The following ADCY10 variants were observed in gnomAD, a reference collection of about 807,000 sequenced individuals.
The protein encoded by ADCY10 is adenylate cyclase type 10.
Under a neutral mutation model 183.3 loss-of-function variants are expected in ADCY10, and 156 were observed. That is an observed-to-expected ratio of 0.85 (90% CI 0.75 to 0.97). The LOEUF (loss-of-function observed/expected upper bound fraction) is 0.97, where lower values mean the gene tolerates loss of function less well. Among genes scored for constraint, ADCY10 ranks in the 50% least tolerant of loss-of-function variants. The pLI is 0.00. For missense variants in ADCY10, 1,745 were observed against 1,934.3 expected (o/e 0.90, Z 1.84); for synonymous variants, 645 against 670.0 (o/e 0.96, Z 0.58).
chr1:167,894,656 G>C (rs1259470300), intron 7 of ADCY10, among the ~76,000 whole-genome samples: 1 of 152,044 alleles, frequency 6.6e-6, no homozygotes, highest in African/African-American at 2.4e-5. Context: ...GGCTGGTCCT[G>C]ATTTGTAGCC....
rs564947586 is a variant in ADCY10 at position 167,836,375 on chromosome 1, A to T, written c.3243T>A (p.Asn1081Lys). 112 of 1,614,140 alleles carry T rather than the reference A, an allele frequency of 6.9e-5. No homozygotes were observed. In the South Asian group the frequency reaches 1.2e-3, roughly 17 times the overall value. The part of the protein sequence containing the change: ...LAHHFLALGE[N>K]DKALYYFLEI... ...CTAAGAAGTAATATAAGGCTTTGTC[A>T]TTTTCTCCCAAAGCCAGAAAATGGT... The change falls in exon 23 of 33, where the codon AAT (asparagine) becomes AAA (lysine). Residue 1081 changes from asparagine (N) to lysine (K), a missense_variant. Physicochemically the swap from Asn to Lys is moderately conservative, Grantham distance 94. Transcript: ENST00000367851.
chr1:167,861,299 T>C (rs902606422), intron 14 of ADCY10, among the ~76,000 whole-genome samples: 2 of 152,230 alleles, frequency 1.3e-5, no homozygotes, highest in African/African-American at 4.8e-5. Flanking sequence ...ACTGCCACCC[T>C]ATACTACCAC....
chr1:167,904,254 G>A (rs1164004965), intron 2 of ADCY10, among the ~76,000 whole-genome samples: 1 of 151,866 alleles, frequency 6.6e-6, no homozygotes, highest in African/African-American at 2.4e-5. Flanking sequence ...TGCCAGGCTC[G>A]TTTTTGTATT....
rs911918308 is a variant in ADCY10, at chr1:167,819,614, G to A, written c.4287-1347C>T. 3.2e-4 allele frequency among the ~76,000 whole-genome samples: 49 copies of A among 151,902 alleles called. 1 individual carries two copies. Among genetic ancestry groups the A allele is most frequent in the African/African-American group, 1.2e-3 (49 of 41,336 alleles). ...TTTTGCTCTTGTTGCCCAGGCTGGA[G>A]TGCAATGGCGCGATCTTGGCTCACC... On this transcript the variant is annotated intron_variant, in intron 30 of 32. Coordinates refer to ENST00000367851, the MANE Select transcript of ADCY10 (RefSeq NM_018417.6).
In ADCY10 at chr1:167,859,865, A is replaced by T; in HGVS notation, c.1838T>A (p.Met613Lys). The change falls in exon 16 of 33, where the codon ATG becomes AAG. Residue 613 changes from methionine (M) to lysine (K), a missense_variant. By Grantham distance (95) the Met-to-Lys change is moderately conservative. Coordinates refer to ENST00000367851, the MANE Select transcript of ADCY10 (RefSeq NM_018417.6). ...QFPISREISR[M>K]STLKKQKQLE... ...TTGTTTTTGCTTTTTCAAGGTGCTC[A>T]TCCTGGAAATCTCCCGAGAAATAGG... 1 of 1,613,090 alleles carries T rather than the reference A, an allele frequency of 6.2e-7. No individual in the cohort carries two copies. The highest frequency in any genetic ancestry group is 8.5e-7 in the Non-Finnish European group (1 of 1,179,050).
intron 31 of ADCY10, among the ~76,000 whole-genome samples, 179 bp downstream of exon 31, chr1:167,817,893 T>A (rs1474240283): frequency 2.0e-5 from 3 of 152,230 alleles, no homozygotes; most frequent in African/African-American, 7.2e-5. Context: ...AAAGTACTTA[T>A]CTCTGAGTAG....
chr1:167,829,201 T>G (rs972799967), intron 26 of ADCY10, 66 bp downstream of exon 26: 54 of 1,592,306 alleles, frequency 3.4e-5, no homozygotes, highest in African/African-American at 6.7e-5. Flanking sequence ...CTAATTGGCT[T>G]TCACTAGGCT....
Position 167,870,413 on chromosome 1 carries a change from G to A in ADCY10, c.1463-3C>T. The stretch of plus-strand genomic sequence containing the variant: ...GTAGTTGATCTCTTTATTACGTCCT[G>A]TTATTTTTAGTTTTAAAAAAGAGCA... On this transcript the variant is annotated splice_region_variant and splice_polypyrimidine_tract_variant and intron_variant, in intron 13 of 32. Transcript: ENST00000367851. The A allele has an allele frequency of 6.2e-7, 1 of 1,603,250 alleles. No homozygotes were observed. The highest frequency in any genetic ancestry group is 1.8e-4 in the Middle Eastern group (1 of 5,704).
intron 25 of ADCY10, 124 bp from the exon 26 acceptor site, chr1:167,829,547 C>A (rs1391720612): frequency 1.8e-6 from 2 of 1,092,662 alleles, no homozygotes; most frequent in South Asian, 1.3e-5. Flanking sequence ...GAATTTGAGG[C>A]CTGTCTCCAT....
At chr1:167,893,986 G>T (rs937387815) in intron 7 of ADCY10, 45 bp from the exon 8 acceptor site, 1 of 1,354,620 alleles carries the variant, frequency 7.4e-7, no homozygotes, top group East Asian at 2.3e-5. Context: ...GGGAAGTTTG[G>T]CTCTGCAGTG....
intron 8 of ADCY10, among the ~76,000 whole-genome samples, chr1:167,889,280 T>C (rs1250106549): frequency 6.6e-6 from 1 of 152,170 alleles, no homozygotes; most frequent in African/African-American, 2.4e-5. Context: ...ATTTTTATCA[T>C]GAAGGGATGT....
At chr1:167,836,574 A>C (rs1664217856) in intron 22 of ADCY10, 34 bp from the exon 23 acceptor site, 1 of 1,385,034 alleles carries the variant, frequency 7.2e-7, no homozygotes, top group Admixed American at 1.7e-5. Flanking sequence ...ATAGTAACTT[A>C]TACAGTATCA....
Position 167,893,909 on chromosome 1 carries a change from C to G in ADCY10, c.772G>C (p.Asp258His), listed in dbSNP as rs1253000601. 4 of 1,613,496 alleles carry G rather than the reference C, an allele frequency of 2.5e-6. No individual in the cohort carries two copies. The highest frequency in any genetic ancestry group is 1.3e-5 in the African/African-American group (1 of 74,856). Residue 258 changes from aspartate (D) to histidine (H), a missense_variant, in exon 8 of 33, where the codon GAT becomes CAT. Coordinates refer to ENST00000367851, the MANE Select transcript of ADCY10 (RefSeq NM_018417.6). ...TGTAGGGACATCTCCAGTTCAGGAT[C>G]AGGCTTCAGCGTGCATGCAAGCCTC... Reference protein sequence around the residue: ...LLRLACTLKPDPELEMSLQKY... With the variant: ...LLRLACTLKPHPELEMSLQKY...
At chr1:167,886,735 GA>G (rs1384322904) in intron 8 of ADCY10, among the ~76,000 whole-genome samples, 1 of 152,054 alleles carries the variant, frequency 6.6e-6, no homozygotes, top group Non-Finnish European at 1.5e-5. Context: ...AACAGCAAAA[GA>G]AATCATCAGA....
In ADCY10 at chr1:167,861,852, A is replaced by G. The variant is rs184479552; in HGVS notation, c.1617-789T>C. On this transcript the variant is annotated intron_variant, in intron 14 of 32. Transcript: ENST00000367851. ...TTGGATCATGAGGGCGGTTCCCCCCATGCTGTTCTCATGATAGTGAGGGAG... is the reference window on the plus strand; with the variant it reads ...TTGGATCATGAGGGCGGTTCCCCCCGTGCTGTTCTCATGATAGTGAGGGAG... Among the ~76,000 whole-genome samples, 10 of 152,222 alleles carry G rather than the reference A, an allele frequency of 6.6e-5. No individual in the cohort carries two copies. The East Asian group carries it at 1.9e-3, about 29-fold the overall frequency.
chr1:167,811,336 C>T (rs1662193238), intron 31 of ADCY10, among the ~76,000 whole-genome samples: 1 of 152,154 alleles, frequency 6.6e-6, no homozygotes, highest in South Asian at 2.1e-4. Context: ...TGCCTATAAT[C>T]CCAGCACTTT....
chr1:167,813,844 G>C (rs2101830469), intron 31 of ADCY10, among the ~76,000 whole-genome samples: 1 of 152,232 alleles, frequency 6.6e-6, no homozygotes, highest in African/African-American at 2.4e-5. Flanking sequence ...GTACAAAAAT[G>C]TAATTCTGTG....
At chr1:167,879,636 G>C (rs571964569) in intron 11 of ADCY10, among the ~76,000 whole-genome samples, 1 of 152,052 alleles carries the variant, frequency 6.6e-6, no homozygotes, top group African/African-American at 2.4e-5. Context: ...CATATATTCA[G>C]TATTTTAGAT....
intron 7 of ADCY10, among the ~76,000 whole-genome samples, chr1:167,896,357 T>C (rs768163413): frequency 6.6e-6 from 1 of 152,162 alleles, no homozygotes; most frequent in Non-Finnish European, 1.5e-5. Context: ...GGGATACTTA[T>C]TAATGTTTGA....
Sources: gnomAD v4.1 joint callset for allele counts (sites outside exome capture counted in the v4.1 genomes callset) on GRCh38, gnomAD v4.1.1 for gene constraint, MANE v1.5 for transcripts, NCBI Gene and HGNC (gene_info 2026-07-23, HGNC 2026-07-21) for gene names.